The following TACR3 variants were observed in gnomAD, a reference collection of about 807,000 sequenced individuals.
TACR3 encodes neuromedin-K receptor.
Under a neutral mutation model 35.0 loss-of-function variants are expected in TACR3, and 34 were observed. The ratio of observed to expected loss-of-function variants is 0.97; its 90% CI spans 0.74 to 1.30. TACR3 has a LOEUF of 1.30. Ranked by LOEUF, TACR3 falls within the 50% of genes most tolerant of loss-of-function variation. The pLI is 0.00. For missense variants in TACR3, 558 were observed against 591.7 expected, an observed-to-expected ratio of 0.94 and a Z score of 0.59; for synonymous variants, 233 against 221.1, an observed-to-expected ratio of 1.05 and a Z score of -0.48.
chr4:103,587,555 G>A lies in TACR3; in HGVS notation c.*2127C>T, dbSNP rs927998998. 2 of 152,026 alleles carry A rather than the reference G, an allele frequency of 1.3e-5. No homozygotes were observed. Among genetic ancestry groups the A allele is most frequent in the African/African-American group, 4.8e-5 (2 of 41,416 alleles). 9.4% of individuals were successfully genotyped at this position (152,026 alleles called of 1,614,324 possible). A position where few individuals can be genotyped will look rare whatever the true frequency, so the allele number is the denominator to read the frequency against. On this transcript the variant is annotated 3_prime_UTR_variant, in exon 5 of 5. Transcript: ENST00000304883. ...AATTTCTCTAATATGTGAGGGCCAGGAGTTATATTTTTCAAATGTATGATA... is the reference window on the plus strand; with the variant it reads ...AATTTCTCTAATATGTGAGGGCCAGAAGTTATATTTTTCAAATGTATGATA...
At chr4:103,628,974 G>A (rs1042340162) in intron 3 of TACR3, among the ~76,000 whole-genome samples, 67 of 152,270 alleles carry the variant, frequency 4.4e-4, no homozygotes, top group African/African-American at 1.6e-3. Context: ...GGGATGCAAG[G>A]CTGGTTCAAC....
chr4:103,713,900 A>G (rs1723028766), intron 1 of TACR3, among the ~76,000 whole-genome samples: 1 of 152,184 alleles, frequency 6.6e-6, no homozygotes. Context: ...TCTAGGCAGT[A>G]GCCACCTGTG....
At position 103,627,789 on chromosome 4, in the gene TACR3, C is replaced by T. The variant is rs189664009; in HGVS notation, c.888+28405G>A. Reference sequence around the variant, plus strand: ...GACTTGAACTCAGCTCTCCACCAAGCGGACCTAATAGACATCTGCATAACT... The same window carrying T: ...GACTTGAACTCAGCTCTCCACCAAGTGGACCTAATAGACATCTGCATAACT... On this transcript the variant is annotated intron_variant, in intron 3 of 4. Coordinates refer to ENST00000304883, the MANE Select transcript of TACR3 (RefSeq NM_001059.3). 1.9e-3 allele frequency among the ~76,000 whole-genome samples: 286 copies of T among 152,166 alleles called. 1 individual carries two copies. The highest frequency in any genetic ancestry group is 6.4e-3 in the African/African-American group (267 of 41,518).
chr4:103,600,599 T>C (rs1560801501), intron 3 of TACR3, among the ~76,000 whole-genome samples: 2 of 152,234 alleles, frequency 1.3e-5, no homozygotes, highest in African/African-American at 4.8e-5. Flanking sequence ...GGGCATTTAG[T>C]GCTATAAATT....
chr4:103,680,510 CACATATATATAT>C (rs1560528599), intron 1 of TACR3, among the ~76,000 whole-genome samples: 6 of 127,456 alleles, frequency 4.7e-5, no homozygotes, highest in African/African-American at 1.4e-4. Context: ...CACACACACA[CACATATATATAT>C]ACACATATAT....
chr4:103,646,686 T>C (rs2110323200), intron 3 of TACR3, among the ~76,000 whole-genome samples: 1 of 152,068 alleles, frequency 6.6e-6, no homozygotes, highest in East Asian at 1.9e-4. Context: ...AAATTATTTA[T>C]AGGAGAATGT....
chr4:103,598,869 G>C (rs1560800575), intron 3 of TACR3, among the ~76,000 whole-genome samples: 1 of 152,178 alleles, frequency 6.6e-6, no homozygotes, highest in Non-Finnish European at 1.5e-5. Flanking sequence ...TTGTAGTATA[G>C]TTTGAAGTCA....
intron 3 of TACR3, among the ~76,000 whole-genome samples, chr4:103,603,653 A>G (rs1051960725): frequency 1.1e-4 from 16 of 152,208 alleles, no homozygotes; most frequent in African/African-American, 3.9e-4. Context: ...GTGTCTTTAT[A>G]GTAGAATGAT....
chr4:103,634,047 G>C (rs1041461917), intron 3 of TACR3, among the ~76,000 whole-genome samples: 1 of 152,044 alleles, frequency 6.6e-6, no homozygotes, highest in Non-Finnish European at 1.5e-5. Flanking sequence ...ATACAAGCTG[G>C]TTATACTTCT....
Position 103,719,915 on chromosome 4 carries a change from C to A in TACR3, c.-240G>T, listed in dbSNP as rs1723177487. The A allele has an allele frequency of 1.0e-5, 6 of 595,858 alleles. No individual in the cohort carries two copies. The highest frequency in any genetic ancestry group is 1.8e-5 in the Non-Finnish European group (6 of 335,440). 36.9% of individuals were successfully genotyped at this position (595,858 alleles called of 1,614,324 possible). A position where few individuals can be genotyped will look rare whatever the true frequency, so the allele number is the denominator to read the frequency against. On this transcript the variant is annotated 5_prime_UTR_variant, in exon 1 of 5. Transcript: ENST00000304883. ...GCAGGCAGAAAGAATGAGATCCTCC[C>A]GAGATTAAGGGTTATCGAGTCACAT...
In TACR3 at chr4:103,719,456, G is replaced by A; in HGVS notation, c.220C>T (p.Leu74Phe). 1.2e-6 allele frequency: 2 copies of A among 1,614,226 alleles called. No homozygotes were observed. The highest frequency in any genetic ancestry group is 1.1e-5 in the South Asian group (1 of 91,088). Residue 74 changes from leucine (L) to phenylalanine (F), a missense_variant, in exon 1 of 5, where the codon CTC (leucine) becomes TTC (phenylalanine). Coordinates refer to ENST00000304883, the MANE Select transcript of TACR3 (RefSeq NM_001059.3). ...SPAPSQPWAN[L>F]TNQFVQPSWR... ...GACGGCTGCACGAACTGGTTGGTGA[G>A]GTTGGCCCAGGGCTGGGAGGGCGCG...
chr4:103,606,734 G>A (rs1169788655), intron 3 of TACR3, among the ~76,000 whole-genome samples: 1 of 151,936 alleles, frequency 6.6e-6, no homozygotes, highest in Non-Finnish European at 1.5e-5. Flanking sequence ...GAGACAGTGG[G>A]GTTTTCTAGA....
chr4:103,675,983 C>G (rs1431138549), intron 1 of TACR3, among the ~76,000 whole-genome samples: 2 of 152,198 alleles, frequency 1.3e-5, no homozygotes, highest in Non-Finnish European at 2.9e-5. Flanking sequence ...TTAATTTCCA[C>G]TCAGATACAG....
chr4:103,602,988 G>A (rs1299431784), intron 3 of TACR3, among the ~76,000 whole-genome samples: 1 of 152,244 alleles, frequency 6.6e-6, no homozygotes, highest in Non-Finnish European at 1.5e-5. Context: ...ACACCAAGAG[G>A]TGGAGCCTAC....
intron 1 of TACR3, among the ~76,000 whole-genome samples, chr4:103,660,947 GAAT>G (rs962782046): frequency 6.6e-6 from 1 of 151,812 alleles, no homozygotes; most frequent in Non-Finnish European, 1.5e-5. Flanking sequence ...TCCAACCACA[GAAT>G]AATACTATTA....
rs778473370 is a variant in TACR3, at chr4:103,656,184, G to A, written c.888+10C>T. ...TATACAAATGCTAGGTAAACAACAT[G>A]GACCAGTACCTTTCTTTTGGCCTTT... On this transcript the variant is annotated intron_variant, in intron 3 of 4. Transcript: ENST00000304883. 4 of 1,612,474 alleles carry A rather than the reference G, an allele frequency of 2.5e-6. No homozygotes were observed. Among genetic ancestry groups the A allele is most frequent in the East Asian group, 4.5e-5 (2 of 44,776 alleles).
intron 3 of TACR3, among the ~76,000 whole-genome samples, chr4:103,622,392 G>A (rs1028994036): frequency 6.6e-6 from 1 of 152,128 alleles, no homozygotes; most frequent in African/African-American, 2.4e-5. Context: ...AAGTGCCAAG[G>A]ATACAGAATA....
At chr4:103,645,862 A>G (rs1163736868) in intron 3 of TACR3, among the ~76,000 whole-genome samples, 2 of 152,074 alleles carry the variant, frequency 1.3e-5, no homozygotes, top group African/African-American at 2.4e-5. Flanking sequence ...GGAGCATAAT[A>G]AAGTTAAATA....
chr4:103,661,181 A>G (rs905765649), intron 1 of TACR3, among the ~76,000 whole-genome samples: 4 of 151,976 alleles, frequency 2.6e-5, no homozygotes, highest in South Asian at 2.1e-4. Flanking sequence ...TATGTGTTAT[A>G]TGTGTGTGTG....
Sources: allele counts gnomAD v4.1 joint callset (sites outside exome capture counted in the v4.1 genomes callset), GRCh38; gene constraint gnomAD v4.1.1; transcripts MANE v1.5; gene names NCBI Gene and HGNC (gene_info 2026-07-23, HGNC 2026-07-21).